Variants in LRRC9 observed in about 807,000 individuals in gnomAD.
The protein encoded by LRRC9 is leucine rich repeat containing 9, also known as leucine-rich repeat-containing protein 9.
In LRRC9, 122 loss-of-function variants were observed where a neutral mutation model predicts 63.2. The ratio of observed to expected loss-of-function variants is 1.93; its 90% confidence interval spans 1.67 to 2.24. The LOEUF is 2.24. Ranked by LOEUF, LRRC9 falls within the 30% of genes most tolerant of loss-of-function variation. The pLI, the probability that LRRC9 is intolerant of heterozygous loss-of-function variation, is 0.00. For missense variants in LRRC9, 1,071 were observed against 627.7 expected (o/e 1.71, Z -7.55); for synonymous variants, 366 against 213.1 (o/e 1.72, Z -6.25).
rs1161506826 is a variant in LRRC9, at chr14:59,931,868, CTATT to C, written c.473-97_473-94del. On this transcript the variant is annotated intron_variant, in intron 5 of 31. Transcript: ENST00000445360. The stretch of plus-strand genomic sequence containing the variant: ...CTAATTATACAATGGTACCATTAGT[CTATT>C]TATATGCAAGAAACGATGGCTACAT... The C allele has an allele frequency of 4.6e-5, 29 of 632,926 alleles. No individual in the cohort carries two copies. In the Middle Eastern group the frequency reaches 2.2e-3, roughly 49 times the overall value. The allele number at this position is 632,926 out of a possible 1,614,324, so 39.2% of individuals were successfully genotyped here.
intron 17 of LRRC9, among the ~76,000 whole-genome samples, chr14:59,985,838 C>T (rs1055259997): frequency 3.3e-5 from 5 of 152,062 alleles, no homozygotes; most frequent in African/African-American, 7.2e-5. Context: ...AGACCAAATC[C>T]GTACCAGTGG....
intron 7 of LRRC9, among the ~76,000 whole-genome samples, chr14:59,939,482 A>G (rs2139831637): frequency 6.6e-6 from 1 of 152,104 alleles, no homozygotes; most frequent in South Asian, 2.1e-4. Context: ...TTAAGAATAG[A>G]GAGTTAGAGG....
intron 21 of LRRC9, among the ~76,000 whole-genome samples, chr14:60,005,020 C>T (rs1348478151): frequency 1.3e-5 from 2 of 151,924 alleles, no homozygotes; most frequent in African/African-American, 4.8e-5. Flanking sequence ...ACATTTTATT[C>T]ATTTTTGAAT....
chr14:60,018,266 A>G, intron 24 of LRRC9, 105 bp from the exon 25 acceptor site: 1 of 660,654 alleles, frequency 1.5e-6, no homozygotes, highest in Non-Finnish European at 2.8e-6. Context: ...TTGTCAGGTG[A>G]GACTTTTTAA....
intron 2 of LRRC9, 125 bp from the exon 3 acceptor site, chr14:59,928,143 C>T (rs992875791): frequency 2.5e-5 from 14 of 565,572 alleles, no homozygotes; most frequent in Middle Eastern, 3.1e-4. Context: ...TGTGATATAA[C>T]TTTCTCTCTT....
intron 29 of LRRC9, among the ~76,000 whole-genome samples, chr14:60,046,739 T>C (rs1042752191): frequency 2.0e-5 from 3 of 152,230 alleles, no homozygotes; most frequent in African/African-American, 7.2e-5. Context: ...TTCCTTAGGA[T>C]TGTCTTAACT....
At chr14:60,040,553 G>C (rs1892858056) in intron 29 of LRRC9, among the ~76,000 whole-genome samples, 2 of 151,944 alleles carry the variant, frequency 1.3e-5, no homozygotes, top group South Asian at 4.1e-4. Context: ...TTGGTTTAAA[G>C]TCTTGTTTTA....
intron 8 of LRRC9, among the ~76,000 whole-genome samples, chr14:59,957,218 T>C (rs1489018213): frequency 6.6e-6 from 1 of 152,202 alleles, no homozygotes; most frequent in Admixed American, 6.5e-5. Flanking sequence ...TCCTGAAGTG[T>C]GTTTTCCAAC....
In LRRC9 at chr14:60,058,040, G is replaced by A; in HGVS notation, c.4276+18G>A. The A allele has an allele frequency of 1.7e-6, 1 of 574,804 alleles. No individual in the cohort carries two copies. Among genetic ancestry groups the A allele is most frequent in the Non-Finnish European group, 3.3e-6 (1 of 304,480 alleles). The allele number at this position is 574,804 out of a possible 1,614,324, so 35.6% of individuals were successfully genotyped here. On this transcript the variant is annotated intron_variant, in intron 31 of 31. Transcript: ENST00000445360. The surrounding 1 kb of genome is among the most constrained non-coding windows in gnomAD (Gnocchi z 4.4). The stretch of plus-strand genomic sequence containing the variant: ...AGTTGAAGGTATTTTGACAATTTCA[G>A]ATAGAATGTAAAAGAATCACTTAAT...
At position 59,923,681 on chromosome 14, in the gene LRRC9, C is replaced by T. The variant is rs2139739369; in HGVS notation, c.-34+3798C>T. On this transcript the variant is annotated intron_variant, in intron 1 of 31. Coordinates refer to ENST00000445360, the Ensembl canonical transcript of LRRC9. This position sits in a 1 kb window ranked among gnomAD's most constrained non-coding sequence, Gnocchi z 4.2. Reference sequence around the variant, plus strand: ...GCGAGGTGGCTCACGCCTGTAGGCTCACGCCTCCCAGCACTCTGGGAAGCT... The same window carrying T: ...GCGAGGTGGCTCACGCCTGTAGGCTTACGCCTCCCAGCACTCTGGGAAGCT... Among the ~76,000 whole-genome samples, 1 of 152,342 alleles carries T rather than the reference C, an allele frequency of 6.6e-6. No homozygotes were observed. The highest frequency in any genetic ancestry group is 2.4e-5 in the African/African-American group (1 of 41,582).
rs768802712 is a variant in LRRC9, at chr14:59,939,511, G to T, written c.726+939G>T. On this transcript the variant is annotated intron_variant, in intron 7 of 31. Transcript: ENST00000445360. ...TTAGAGGGGGAAAGTTGAAAGCAGA[G>T]AGACCAGTTAGGAGATTATTCCAGT... Among the ~76,000 whole-genome samples, 5 of 152,048 alleles carry T rather than the reference G, an allele frequency of 3.3e-5. No individual in the cohort carries two copies. In the East Asian group the frequency reaches 9.6e-4, roughly 29 times the overall value.
intron 29 of LRRC9, among the ~76,000 whole-genome samples, chr14:60,036,674 C>CAA (rs1892460430): frequency 6.6e-6 from 1 of 151,672 alleles, no homozygotes; most frequent in Non-Finnish European, 1.5e-5. Context: ...ACTGTGATCA[C>CAA]TTGATTAAAG....
intron 23 of LRRC9, among the ~76,000 whole-genome samples, chr14:60,009,458 C>T (rs1247373342): frequency 1.3e-5 from 2 of 152,136 alleles, no homozygotes; most frequent in African/African-American, 2.4e-5. Context: ...GCGAGAACAG[C>T]GTAAGAAAAA....
chr14:60,063,013 TC>T (rs1334035991), intron 31 of LRRC9, among the ~76,000 whole-genome samples: 1 of 151,842 alleles, frequency 6.6e-6, no homozygotes, highest in Non-Finnish European at 1.5e-5. Context: ...TGCCTCAGCC[TC>T]TCGAGTAGCT....
At chr14:60,025,027 A>AT (rs1283355855) in intron 27 of LRRC9, among the ~76,000 whole-genome samples, 1 of 146,794 alleles carries the variant, frequency 6.8e-6, no homozygotes, top group African/African-American at 2.5e-5. Context: ...TGACAGATTG[A>AT]TTTTTGTTTT....
chr14:59,930,851 C>T lies in LRRC9; in HGVS notation c.268-67C>T, dbSNP rs1481332157. The stretch of plus-strand genomic sequence containing the variant: ...TTTAAAAGAAAATATACTTAGAAAC[C>T]TACTTCATTGGAAGGATTAATAGCA... On this transcript the variant is annotated intron_variant, in intron 3 of 31. Coordinates refer to ENST00000445360, the Ensembl canonical transcript of LRRC9. The surrounding 1 kb of genome is among the most constrained non-coding windows in gnomAD (Gnocchi z 4.9). 1 of 296,914 alleles carries T rather than the reference C, an allele frequency of 3.4e-6. No homozygotes were observed. The highest frequency in any genetic ancestry group is 2.2e-5 in the African/African-American group (1 of 46,154). The allele number at this position is 296,914 out of a possible 1,614,324, so 18.4% of individuals were successfully genotyped here. A position where few individuals can be genotyped will look rare whatever the true frequency, so the allele number is the denominator to read the frequency against.
intron 27 of LRRC9, among the ~76,000 whole-genome samples, chr14:60,024,591 T>G (rs544431086): frequency 6.6e-6 from 1 of 152,172 alleles, no homozygotes; most frequent in African/African-American, 2.4e-5. Context: ...AATGCATCTA[T>G]CAAAAGCACT....
intron 17 of LRRC9, among the ~76,000 whole-genome samples, chr14:59,995,533 A>G (rs1465673870): frequency 6.6e-6 from 1 of 152,218 alleles, no homozygotes; most frequent in East Asian, 1.9e-4. Flanking sequence ...TAATCTTTGT[A>G]AGTTGTACTG....
chr14:60,029,431 A>G (rs1350860015), intron 28 of LRRC9, among the ~76,000 whole-genome samples: 1 of 152,100 alleles, frequency 6.6e-6, no homozygotes, highest in East Asian at 1.9e-4. Flanking sequence ...TTAAACTTGA[A>G]ATTACGTGAC....
Sources: allele counts gnomAD v4.1 joint callset (sites outside exome capture counted in the v4.1 genomes callset), GRCh38; gene constraint gnomAD v4.1.1; non-coding constraint Gnocchi (gnomAD v3.1); transcripts MANE v1.5; gene names NCBI Gene and HGNC (gene_info 2026-07-23, HGNC 2026-07-21).